The following CHAT variants were observed in gnomAD, a reference collection of about 807,000 sequenced individuals.
CHAT encodes acetyl CoA:choline O-acetyltransferase.
Under a neutral mutation model 76.9 loss-of-function variants are expected in CHAT, and 61 were observed. The ratio of observed to expected loss-of-function variants is 0.79; its 90% CI spans 0.65 to 0.98. The LOEUF is 0.98. CHAT is among the 50% of genes least tolerant of loss of function. The pLI is 0.00. For synonymous variants in CHAT, 407 were observed against 397.4 expected (o/e 1.02, Z -0.29); for missense variants, 946 against 986.9 (o/e 0.96, Z 0.56).
At position 49,648,505 on chromosome 10, in the gene CHAT, A is replaced by G; in HGVS notation, c.1282-2A>G. 6.2e-7 allele frequency: 1 copy of G among 1,612,812 alleles called. No individual in the cohort carries two copies. The highest frequency in any genetic ancestry group is 8.5e-7 in the Non-Finnish European group (1 of 1,179,068). On this transcript the variant is annotated splice_acceptor_variant, in intron 8 of 14. Transcript: ENST00000337653. LOFTEE classifies it high-confidence loss of function. ...TCGCCCACTCCCTCTTTCCTGTTGCAGTTTGTGGTGGGCCGAGACGGCACC... is the reference window on the plus strand; with the variant it reads ...TCGCCCACTCCCTCTTTCCTGTTGCGGTTTGTGGTGGGCCGAGACGGCACC...
chr10:49,611,025 C>T, upstream of CHAT: 4 of 1,613,922 alleles, frequency 2.5e-6, no homozygotes, highest in Non-Finnish European at 3.4e-6. Context: ...CCTACACGGC[C>T]AACACCTCGG....
At chr10:49,622,628 T>C (rs988045251) in intron 5 of CHAT, among the ~76,000 whole-genome samples, 1 of 152,114 alleles carries the variant, frequency 6.6e-6, no homozygotes, top group East Asian at 1.9e-4. Flanking sequence ...TCTTTGATTT[T>C]AGGAAGAAAG....
chr10:49,658,415 G>A (rs1161659273), intron 13 of CHAT, among the ~76,000 whole-genome samples: 2 of 152,264 alleles, frequency 1.3e-5, no homozygotes, highest in Non-Finnish European at 2.9e-5. Context: ...TACTCGGGAA[G>A]GCTGAGGCAG....
chr10:49,665,141 C>A lies in CHAT; in HGVS notation c.*95C>A. 1 of 1,362,458 alleles carries A rather than the reference C, an allele frequency of 7.3e-7. No homozygotes were observed. Among genetic ancestry groups the A allele is most frequent in the Non-Finnish European group, 1.0e-6 (1 of 959,978 alleles). The allele number at this position is 1,362,458 out of a possible 1,614,324, so 84.4% of individuals were successfully genotyped here. On this transcript the variant is annotated 3_prime_UTR_variant, in exon 15 of 15. Coordinates refer to ENST00000337653, the MANE Select transcript of CHAT (RefSeq NM_020549.5). ...CGTCCCTTACCCCAGCTTTCCACAG[C>A]TCCCTGTCCTCAGGGTCCAACTCAC...
At chr10:49,612,211 C>T, upstream of CHAT, 13 of 1,609,252 alleles carry the variant, frequency 8.1e-6, no homozygotes, top group Non-Finnish European at 1.0e-5. Flanking sequence ...TGAGCCACCG[C>T]AAGGTCTGTA....
chr10:49,625,779 T>A (rs1485627276), intron 6 of CHAT, 126 bp downstream of exon 6: 1 of 1,060,760 alleles, frequency 9.4e-7, no homozygotes, highest in Non-Finnish European at 1.4e-6. Flanking sequence ...TGGGGCACCA[T>A]GTCTCCAAAG....
At position 49,649,651 on chromosome 10, in the gene CHAT, A is replaced by T; in HGVS notation, c.1511+15A>T. 6.2e-7 allele frequency: 1 copy of T among 1,613,568 alleles called. No individual in the cohort carries two copies. The highest frequency in any genetic ancestry group is 8.5e-7 in the Non-Finnish European group (1 of 1,179,994). On this transcript the variant is annotated intron_variant, in intron 10 of 14. Transcript: ENST00000337653. Reference sequence around the variant, plus strand: ...AAACTTCAACGGTAAGGATAACCGAAGTCTCCTTTGAGGGGTCCCCTAGGG... The same window carrying T: ...AAACTTCAACGGTAAGGATAACCGATGTCTCCTTTGAGGGGTCCCCTAGGG...
chr10:49,610,737 G>T, upstream of CHAT: 5 of 1,509,796 alleles, frequency 3.3e-6, no homozygotes, highest in South Asian at 6.7e-5. Context: ...ATCGGGGTGG[G>T]GGCATGGAAT....
Position 49,625,611 on chromosome 10 carries a change from C to T in CHAT, c.891C>T (p.Ile297=), listed in dbSNP as rs1461364403. The part of the protein sequence containing the change: ...QDTLVAQNSS[I]MPEPEHVIVA... The stretch of plus-strand genomic sequence containing the variant: ...CGCTGGTGGCTCAGAACAGCAGCAT[C>T]ATGCCGGAGCCTGAGCACGTCATCG... Residue 297 remains isoleucine (I), a synonymous_variant, in exon 6 of 15, where the codon ATC becomes ATT. Transcript: ENST00000337653. 1.3e-6 allele frequency: 2 copies of T among 1,597,820 alleles called. No homozygotes were observed. The highest frequency in any genetic ancestry group is 2.3e-5 in the East Asian group (1 of 44,354).
chr10:49,640,348 G>A (rs1269203160), intron 7 of CHAT, among the ~76,000 whole-genome samples: 1 of 152,136 alleles, frequency 6.6e-6, no homozygotes. Flanking sequence ...ATAAGACTTG[G>A]GATCTTATTT....
chr10:49,651,071 C>A (rs1368866924), intron 10 of CHAT, among the ~76,000 whole-genome samples: 1 of 151,946 alleles, frequency 6.6e-6, no homozygotes, highest in Non-Finnish European at 1.5e-5. Flanking sequence ...AGGCTTCTTC[C>A]TGGGGGTCCT....
intron 7 of CHAT, among the ~76,000 whole-genome samples, chr10:49,637,011 G>C (rs34488451): frequency 6.6e-6 from 1 of 151,010 alleles, no homozygotes; most frequent in East Asian, 1.9e-4. Flanking sequence ...TTTCATTCCT[G>C]ATATTGGTGG....
chr10:49,614,573 C>T (rs1198692398), intron 1 of CHAT, 98 bp downstream of exon 1: 4 of 1,036,158 alleles, frequency 3.9e-6, no homozygotes, highest in Non-Finnish European at 2.8e-6. Flanking sequence ...GGCCGAGAGG[C>T]CCCAGGACTC....
intron 13 of CHAT, among the ~76,000 whole-genome samples, chr10:49,656,124 A>G (rs1485586111): frequency 6.6e-6 from 1 of 152,196 alleles, no homozygotes; most frequent in Non-Finnish European, 1.5e-5. Flanking sequence ...AACAAATTTC[A>G]CTATAGATAC....
intron 13 of CHAT, among the ~76,000 whole-genome samples, chr10:49,655,689 G>C (rs771520975): frequency 1.3e-5 from 2 of 152,198 alleles, no homozygotes; most frequent in South Asian, 4.1e-4. Flanking sequence ...CAAACCCTTT[G>C]AAACAACCAT....
In CHAT at chr10:49,654,991, G is replaced by A; in HGVS notation, c.1635-104G>A. The A allele has an allele frequency of 4.2e-6, 5 of 1,188,052 alleles. No homozygotes were observed. The South Asian group carries it at 4.9e-5, about 12-fold the overall frequency. 73.6% of individuals were successfully genotyped at this position (1,188,052 alleles called of 1,614,324 possible). On this transcript the variant is annotated intron_variant, in intron 11 of 14. Coordinates refer to ENST00000337653, the MANE Select transcript of CHAT (RefSeq NM_020549.5). ...AAAATGAAATATTCTGCCAAGTCAA[G>A]TCAGGGCTGTGAAAATAAAGCTTGC...
chr10:49,660,231 G>A (rs1840150827), intron 13 of CHAT, among the ~76,000 whole-genome samples: 1 of 152,110 alleles, frequency 6.6e-6, no homozygotes, highest in Admixed American at 6.5e-5. Flanking sequence ...ACAAGGTCAG[G>A]AGATCGAGAC....
intron 13 of CHAT, among the ~76,000 whole-genome samples, chr10:49,658,975 A>G (rs1840112489): frequency 6.6e-6 from 1 of 152,214 alleles, no homozygotes. Flanking sequence ...TAAGAGAGAA[A>G]AGAGGCTTAG....
rs59602574 is a variant in CHAT at position 49,638,996 on chromosome 10, G to A, written c.1112-7509G>A. On this transcript the variant is annotated intron_variant, in intron 7 of 14. Transcript: ENST00000337653. ...CACGCCTGTAATCCCAGCACTTTGG[G>A]AGGCTGAGGAGGGTGGATCGTGAGG... 7.2e-3 allele frequency among the ~76,000 whole-genome samples: 1,091 copies of A among 152,294 alleles called. 14 individuals are homozygous for A. Among genetic ancestry groups the A allele is most frequent in the African/African-American group, 0.025 (1,040 of 41,550 alleles).
Sources: allele counts gnomAD v4.1 joint callset (sites outside exome capture counted in the v4.1 genomes callset), GRCh38; gene constraint gnomAD v4.1.1; transcripts MANE v1.5; gene names NCBI Gene and HGNC (gene_info 2026-07-23, HGNC 2026-07-21).